GOLGA6L7: variants seen among roughly 807,000 people sequenced by gnomAD.
GOLGA6L7 encodes the protein golgin A6 family like 7, also known as golgin subfamily A member 6-like protein 7.
In GOLGA6L7, 29 loss-of-function variants were observed where a neutral mutation model predicts 68.9. The observed-to-expected ratio is 0.42, with a 90% CI of 0.31 to 0.57. The LOEUF is 0.57. Ranked by LOEUF, GOLGA6L7 falls within the 20% of genes least tolerant of loss-of-function variation. The pLI is 0.13. For missense variants in GOLGA6L7, 396 were observed against 588.4 expected, an observed-to-expected ratio of 0.67 and a Z score of 3.38; for synonymous variants, 133 against 197.4, an observed-to-expected ratio of 0.67 and a Z score of 2.73.
At chr15:28,845,279 A>G (rs1213030750) in intron 6 of GOLGA6L7, 3 of 599,808 alleles carry the variant, frequency 5.0e-6, no homozygotes, top group African/African-American at 1.8e-5. Context: ...GCCACAGCCA[A>G]GTATGGGTGG....
intron 6 of GOLGA6L7, chr15:28,845,289 G>A (rs967013313): frequency 1.6e-6 from 1 of 611,108 alleles, no homozygotes; most frequent in Admixed American, 2.3e-5. Context: ...AGTATGGGTG[G>A]GGTGGGCACT....
At chr15:28,844,708 A>T (rs1419751624) in intron 6 of GOLGA6L7, among the ~76,000 whole-genome samples, 1 of 152,046 alleles carries the variant, frequency 6.6e-6, no homozygotes, top group Non-Finnish European at 1.5e-5. Flanking sequence ...TATTGCTATT[A>T]CTGTTATTAT....
At chr15:28,846,401 C>T (rs2030432905) in intron 2 of GOLGA6L7, among the ~76,000 whole-genome samples, 152 bp from the exon 3 acceptor site, 2 of 152,060 alleles carry the variant, frequency 1.3e-5, no homozygotes, top group African/African-American at 4.8e-5. Flanking sequence ...CCTTAACGCC[C>T]AAAGAAAAAG....
Position 28,843,786 on chromosome 15 carries a change from T to G in GOLGA6L7, c.611A>C (p.His204Pro), listed in dbSNP as rs1343659842. Residue 204 changes from histidine to proline, a missense_variant, in exon 8 of 9, where the codon CAC (histidine) becomes CCC (proline). By Grantham distance (77) the His-to-Pro change is moderately conservative. Around this residue, in one of 5 missense-constraint regions of GOLGA6L7, gnomAD observed 125 missense variants for 119.4 expected, o/e 1.05. Coordinates refer to ENST00000567390, the MANE Select transcript of GOLGA6L7 (RefSeq NM_001365371.2). ...VETEKSEIQL[H>P]IKELKRKLET... ...CAGTTTCCTTTTTAGCTCCTTGATG[T>G]GGAGCTGGATCTCAGACTTTTCAGT... is the stretch of plus-strand genomic sequence containing the variant. 2.9e-6 allele frequency: 2 copies of G among 690,124 alleles called. No individual in the cohort carries two copies. The highest frequency in any genetic ancestry group is 5.1e-6 in the Non-Finnish European group (2 of 392,348). The allele number at this position is 690,124 out of a possible 1,614,324, so 42.8% of individuals were successfully genotyped here. A position where few individuals can be genotyped will look rare whatever the true frequency, so the allele number is the denominator to read the frequency against.
rs2030253529 is a variant in GOLGA6L7 at position 28,842,898 on chromosome 15, C to T, written c.1206G>A (p.Glu402=). ...TCTGCTCCTCCTGCTTCCACATCTGCTCCTCCTGCTTTCGCATCTGCTCCT... is the reference window on the plus strand; with the variant it reads ...TCTGCTCCTCCTGCTTCCACATCTGTTCCTCCTGCTTTCGCATCTGCTCCT... ...EQEEQMRKQE[E]QMWKQEEQMG... The change falls in exon 9 of 9, where the codon GAG becomes GAA. Residue 402 remains glutamate (E), a synonymous_variant. Coordinates refer to ENST00000567390, the MANE Select transcript of GOLGA6L7 (RefSeq NM_001365371.2). The T allele has an allele frequency of 8.0e-7, 1 of 1,255,222 alleles. No individual in the cohort carries two copies. The highest frequency in any genetic ancestry group is 4.1e-5 in the Admixed American group (1 of 24,430). The allele number at this position is 1,255,222 out of a possible 1,614,324, so 77.8% of individuals were successfully genotyped here.
intron 2 of GOLGA6L7, 87 bp downstream of exon 2, chr15:28,846,977 C>T: frequency 1.5e-6 from 1 of 671,866 alleles, no homozygotes; most frequent in Non-Finnish European, 2.4e-6. Flanking sequence ...CAGTACCCAG[C>T]AGTTCTTCCT....
Position 28,846,257 on chromosome 15 carries a change from G to C in GOLGA6L7, c.181-8C>G. On this transcript the variant is annotated splice_region_variant and splice_polypyrimidine_tract_variant and intron_variant, in intron 2 of 8. Transcript: ENST00000567390. ...AGCTCGGTTCTGTTGTTTCTGTGGG[G>C]AGAGTCAAAGGAAGGTGACTGAGGG... is the stretch of plus-strand genomic sequence containing the variant. 1.3e-6 allele frequency: 1 copy of C among 770,008 alleles called. No homozygotes were observed. The highest frequency in any genetic ancestry group is 1.7e-5 in the African/African-American group (1 of 59,366). 47.7% of individuals were successfully genotyped at this position (770,008 alleles called of 1,614,324 possible).
chr15:28,844,378 C>T (rs2030331534), intron 6 of GOLGA6L7, 115 bp from the exon 7 acceptor site: 3 of 400,882 alleles, frequency 7.5e-6, no homozygotes, highest in South Asian at 1.2e-4. Context: ...CCGTCACACC[C>T]GACATGTTCT....
In GOLGA6L7 at chr15:28,847,116, T is replaced by A. The variant is rs924182529; in HGVS notation, c.128A>T (p.His43Leu). The A allele has an allele frequency of 8.7e-7, 1 of 1,155,938 alleles. No homozygotes were observed. The allele number at this position is 1,155,938 out of a possible 1,614,324, so 71.6% of individuals were successfully genotyped here. A position where few individuals can be genotyped will look rare whatever the true frequency, so the allele number is the denominator to read the frequency against. Reference protein sequence around the residue: ...ATDTKKKKINHGANPETTTSG... With the variant: ...ATDTKKKKINLGANPETTTSG... Reference sequence around the variant, plus strand: ...AGTGGTTGTCTCAGGGTTAGCGCCATGATTTATTTTCTTCTTTTTGGTGTC... The same window carrying A: ...AGTGGTTGTCTCAGGGTTAGCGCCAAGATTTATTTTCTTCTTTTTGGTGTC... Residue 43 changes from histidine (H) to leucine (L), a missense_variant, in exon 2 of 9, where the codon CAT becomes CTT. Transcript: ENST00000567390.
At position 28,848,540 on chromosome 15, in the gene GOLGA6L7, C is replaced by A. The variant is rs747558475; in HGVS notation, c.10G>T (p.Glu4Ter). The A allele has an allele frequency of 3.0e-6, 2 of 677,596 alleles. No individual in the cohort carries two copies. Among genetic ancestry groups the A allele is most frequent in the South Asian group, 3.1e-5 (2 of 65,358 alleles). The allele number at this position is 677,596 out of a possible 1,614,324, so 42.0% of individuals were successfully genotyped here. A position where few individuals can be genotyped will look rare whatever the true frequency, so the allele number is the denominator to read the frequency against. The change falls in exon 1 of 9, where the codon GAA becomes TAA. Residue 4 changes from glutamate to a stop codon, truncating the protein, a stop_gained. Transcript: ENST00000567390. LOFTEE classifies it high-confidence loss of function. Reference sequence around the variant, plus strand: ...GCCAATTTTCTTTGTTGGGTTTTTTCGGACATCATGGGGTGGGGAGGGTGG... The same window carrying A: ...GCCAATTTTCTTTGTTGGGTTTTTTAGGACATCATGGGGTGGGGAGGGTGG... The part of the protein sequence containing the change: MMS[E>*]KTQQRKLAGT...
chr15:28,842,900 C>T lies in GOLGA6L7; in HGVS notation c.1204G>A (p.Glu402Lys), dbSNP rs1172857715. 44 of 1,251,960 alleles carry T rather than the reference C, an allele frequency of 3.5e-5. No homozygotes were observed. The highest frequency in any genetic ancestry group is 4.3e-5 in the Non-Finnish European group (43 of 1,007,064). 77.6% of individuals were successfully genotyped at this position (1,251,960 alleles called of 1,614,324 possible). The change falls in exon 9 of 9, where the codon GAG becomes AAG. Residue 402 changes from glutamate to lysine, a missense_variant. Glu to Lys is a moderately conservative substitution (Grantham distance 56, BLOSUM62 1). Transcript: ENST00000567390. ...TGCTCCTCCTGCTTCCACATCTGCTCCTCCTGCTTTCGCATCTGCTCCTCC... is the reference window on the plus strand; with the variant it reads ...TGCTCCTCCTGCTTCCACATCTGCTTCTCCTGCTTTCGCATCTGCTCCTCC... Reference protein sequence around the residue: ...EQEEQMRKQEEQMWKQEEQMG... With the variant: ...EQEEQMRKQEKQMWKQEEQMG...
At position 28,844,261 on chromosome 15, in the gene GOLGA6L7, G is replaced by A. The variant is rs907577715; in HGVS notation, c.465C>T (p.Tyr155=). The A allele has an allele frequency of 1.5e-5, 6 of 405,824 alleles. No homozygotes were observed. Among genetic ancestry groups the A allele is most frequent in the African/African-American group, 1.3e-4 (6 of 46,524 alleles). The allele number at this position is 405,824 out of a possible 1,614,324, so 25.1% of individuals were successfully genotyped here. A position where few individuals can be genotyped will look rare whatever the true frequency, so the allele number is the denominator to read the frequency against. ...MSAEHERADK[Y]IKELTKEREA... ...CCCTCTCCTTTGTTAACTCCTTGAT[G>A]TACTGCAAACAGAGAAAGGTCAAGT... The change falls in exon 7 of 9, where the codon TAC becomes TAT. Residue 155 remains tyrosine (Y), a splice_region_variant and synonymous_variant. Coordinates refer to ENST00000567390, the MANE Select transcript of GOLGA6L7 (RefSeq NM_001365371.2).
chr15:28,843,075 C>T lies in GOLGA6L7; in HGVS notation c.1029G>A (p.Lys343=). 1 of 1,290,590 alleles carries T rather than the reference C, an allele frequency of 7.7e-7. No individual in the cohort carries two copies. The highest frequency in any genetic ancestry group is 9.8e-7 in the Non-Finnish European group (1 of 1,022,120). The allele number at this position is 1,290,590 out of a possible 1,614,324, so 79.9% of individuals were successfully genotyped here. Residue 343 remains lysine, a synonymous_variant, in exon 9 of 9, where the codon AAG becomes AAA. Coordinates refer to ENST00000567390, the MANE Select transcript of GOLGA6L7 (RefSeq NM_001365371.2). Reference sequence around the variant, plus strand: ...TCTGCTTCAGCATCTGCTTCTCCTGCTTCCGCATCTGCTCCTCCTGCTCCC... The same window carrying T: ...TCTGCTTCAGCATCTGCTTCTCCTGTTTCCGCATCTGCTCCTCCTGCTCCC... ...QMGEQEEQMR[K]QEKQMLKQKE...
At chr15:28,845,374 C>T (rs2030385478) in intron 6 of GOLGA6L7, 155 bp downstream of exon 6, 1 of 694,766 alleles carries the variant, frequency 1.4e-6, no homozygotes, top group Non-Finnish European at 2.6e-6. Flanking sequence ...TGACTCAGCC[C>T]CAACCTGCCT....
At position 28,843,383 on chromosome 15, in the gene GOLGA6L7, GATCCCGTAGCTCC is replaced by G; in HGVS notation, c.708_720del (p.Glu236AspfsTer110). On this transcript the variant is annotated frameshift_variant, in exon 9 of 9. Coordinates refer to ENST00000567390, the MANE Select transcript of GOLGA6L7 (RefSeq NM_001365371.2). LOFTEE classifies it high-confidence loss of function. Reference sequence around the variant, plus strand: ...TTCTCCTGATCCCGTAGCTCCTCCTGATCCCGTAGCTCCTCCTCCTGCCTCCACATCTTCTCCT... The same window carrying G: ...TTCTCCTGATCCCGTAGCTCCTCCTGTCCTCCTGCCTCCACATCTTCTCCT... 1.2e-5 allele frequency: 1 copy of G among 84,650 alleles called. No homozygotes were observed. The highest frequency in any genetic ancestry group is 1.5e-5 in the Non-Finnish European group (1 of 65,236). 5.2% of individuals were successfully genotyped at this position (84,650 alleles called of 1,614,324 possible). A position where few individuals can be genotyped will look rare whatever the true frequency, so the allele number is the denominator to read the frequency against.
rs553713509 is a variant in GOLGA6L7, at chr15:28,846,019, C to T, written c.211-69G>A. The T allele has an allele frequency of 5.5e-6, 5 of 904,672 alleles. No individual in the cohort carries two copies. The South Asian group carries it at 5.6e-5, about 10-fold the overall frequency. 56.0% of individuals were successfully genotyped at this position (904,672 alleles called of 1,614,324 possible). A position where few individuals can be genotyped will look rare whatever the true frequency, so the allele number is the denominator to read the frequency against. ...CAGAGATGGCACAGCAAGAGACATG[C>T]CCCCAGAATGGCCCCACTGTCCCAG... is the stretch of plus-strand genomic sequence containing the variant. On this transcript the variant is annotated intron_variant, in intron 3 of 8. Transcript: ENST00000567390.
chr15:28,846,037 T>C, intron 3 of GOLGA6L7, 87 bp from the exon 4 acceptor site: 1 of 901,506 alleles, frequency 1.1e-6, no homozygotes, highest in South Asian at 1.4e-5. Context: ...ATGGCCCCAC[T>C]GTCCCAGGAC....
rs4036940 is a variant in GOLGA6L7 at position 28,845,761 on chromosome 15, C to T, written c.312G>A (p.Glu104=). The change falls in exon 5 of 9, where the codon GAG becomes GAA. Residue 104 remains glutamate (E), a synonymous_variant. Coordinates refer to ENST00000567390, the MANE Select transcript of GOLGA6L7 (RefSeq NM_001365371.2). ...RILMCQKTEL[E]TALHDSQDAA... ...CATCCTGGCTGTCATGGAGCGCTGT[C>T]TCCAGTTCAGTTTTCTGACACATAA... The T allele has an allele frequency of 8.0e-3, 6,345 of 793,324 alleles. 160 individuals are homozygous for T. Among genetic ancestry groups the T allele is most frequent in the African/African-American group, 0.075 (4,430 of 59,336 alleles). 49.1% of individuals were successfully genotyped at this position (793,324 alleles called of 1,614,324 possible).
At position 28,848,485 on chromosome 15, in the gene GOLGA6L7, C is replaced by A. The variant is rs1365105079; in HGVS notation, c.51+14G>T. Reference sequence around the variant, plus strand: ...TGGGTTGGGGTTGGGGTGCTGCAATCCGATGCGTTTTACCTTTTTCTTGGT... The same window carrying A: ...TGGGTTGGGGTTGGGGTGCTGCAATACGATGCGTTTTACCTTTTTCTTGGT... On this transcript the variant is annotated intron_variant, in intron 1 of 8. Coordinates refer to ENST00000567390, the MANE Select transcript of GOLGA6L7 (RefSeq NM_001365371.2). 5.7e-6 allele frequency: 4 copies of A among 702,212 alleles called. No homozygotes were observed. Among genetic ancestry groups the A allele is most frequent in the African/African-American group, 5.2e-5 (3 of 57,152 alleles). The allele number at this position is 702,212 out of a possible 1,614,324, so 43.5% of individuals were successfully genotyped here.
Sources: gnomAD v4.1 joint callset for allele counts (sites outside exome capture counted in the v4.1 genomes callset) on GRCh38, gnomAD v4.1.1 for gene constraint, gnomAD v4.1.1 regional missense constraint, MANE v1.5 for transcripts, NCBI Gene and HGNC (gene_info 2026-07-23, HGNC 2026-07-21) for gene names.